Variants in BLTP3B observed in about 807,000 individuals in gnomAD.
BLTP3B encodes bridge-like lipid transfer protein family member 3B.
At chr12:100,096,899 A>T in the BLTP3B span, among the ~76,000 whole-genome samples, 2 of 152,110 alleles carry the variant, frequency 1.3e-5, no homozygotes, top group Non-Finnish European at 2.9e-5. Flanking sequence ...GAGCAATATA[A>T]TAAGACCTCA....
chr12:100,060,230 T>C, the BLTP3B span, among the ~76,000 whole-genome samples: 1 of 152,140 alleles, frequency 6.6e-6, no homozygotes, highest in Non-Finnish European at 1.5e-5. Context: ...AAAAAAAATT[T>C]CCCATGCCTA....
the BLTP3B span, among the ~76,000 whole-genome samples, chr12:100,129,231 T>C: frequency 4.0e-5 from 6 of 151,390 alleles, no homozygotes; most frequent in Admixed American, 2.6e-4. Context: ...TATCCAGCAA[T>C]AGGCCATATC....
chr12:100,059,585 G>C, the BLTP3B span: 2 of 1,497,518 alleles, frequency 1.3e-6, no homozygotes, highest in Non-Finnish European at 1.8e-6. Flanking sequence ...CATACATCTT[G>C]AAGATAAAAG....
chr12:100,088,450 G>A, the BLTP3B span, among the ~76,000 whole-genome samples: 1 of 152,170 alleles, frequency 6.6e-6, no homozygotes, highest in African/African-American at 2.4e-5. Context: ...GATGGGAAGA[G>A]AGGTGGCCAT....
chr12:100,090,911 T>C, the BLTP3B span, among the ~76,000 whole-genome samples: 1 of 152,156 alleles, frequency 6.6e-6, no homozygotes, highest in South Asian at 2.1e-4. Context: ...AATAAAAATA[T>C]AAACATTTAT....
chr12:100,039,547 C>A, the BLTP3B span: 2 of 1,495,998 alleles, frequency 1.3e-6, no homozygotes, highest in Non-Finnish European at 1.8e-6. Flanking sequence ...TATCTTAATA[C>A]CTAGTTATTT....
chr12:100,059,232 T>G, the BLTP3B span: 1 of 1,614,068 alleles, frequency 6.2e-7, no homozygotes, highest in Non-Finnish European at 8.5e-7. Flanking sequence ...AAGAGTGTTT[T>G]TATTCAATTG....
At chr12:100,058,530 T>C in the BLTP3B span, 1 of 1,613,248 alleles carries the variant, frequency 6.2e-7, no homozygotes, top group Non-Finnish European at 8.5e-7. Context: ...TCTATTTATA[T>C]CCCTACTAAT....
At chr12:100,070,242 A>T in the BLTP3B span, 7 of 1,502,080 alleles carry the variant, frequency 4.7e-6, no homozygotes, top group Admixed American at 2.1e-5. Context: ...TTGTTGAAAC[A>T]TGAAGATAGG....
chr12:100,134,127 G>A, the BLTP3B span, among the ~76,000 whole-genome samples: 1 of 149,246 alleles, frequency 6.7e-6, no homozygotes, highest in East Asian at 1.9e-4. Flanking sequence ...TACTTAAAAG[G>A]ATAAAAAAAA....
the BLTP3B span, among the ~76,000 whole-genome samples, chr12:100,123,578 C>A: frequency 1.3e-5 from 2 of 152,150 alleles, no homozygotes; most frequent in East Asian, 3.9e-4. Flanking sequence ...CCCAAGACTG[C>A]CCTCCGTCAC....
the BLTP3B span, among the ~76,000 whole-genome samples, chr12:100,140,341 T>C: frequency 6.7e-6 from 1 of 149,596 alleles, no homozygotes; most frequent in African/African-American, 2.5e-5. Flanking sequence ...CAAAAACTCA[T>C]CTCTGAAAAA....
chr12:100,075,515 A>G, the BLTP3B span, among the ~76,000 whole-genome samples: 1 of 152,198 alleles, frequency 6.6e-6, no homozygotes, highest in Non-Finnish European at 1.5e-5. Flanking sequence ...GCTTCTATAC[A>G]GCAAAATAAA....
the BLTP3B span, among the ~76,000 whole-genome samples, chr12:100,139,427 T>A: frequency 6.6e-6 from 1 of 152,336 alleles, no homozygotes; most frequent in South Asian, 2.1e-4. Flanking sequence ...GTTCACAGTC[T>A]TCCTCCTTAC....
chr12:100,040,952 C>T, the BLTP3B span, among the ~76,000 whole-genome samples: 1 of 152,120 alleles, frequency 6.6e-6, no homozygotes, highest in Non-Finnish European at 1.5e-5. Context: ...CATTCCCAAA[C>T]TTTCTATGAA....
At chr12:100,055,164 G>C in the BLTP3B span, among the ~76,000 whole-genome samples, 2 of 152,010 alleles carry the variant, frequency 1.3e-5, no homozygotes, top group Non-Finnish European at 2.9e-5. Context: ...GTTTGTGTCA[G>C]ATAGAAGAGC....
chr12:100,051,011 T>TGTCATTTTGAG, the BLTP3B span: 1 of 1,580,686 alleles, frequency 6.3e-7, no homozygotes, highest in Admixed American at 1.9e-5. Context: ...TCAAAATATA[T>TGTCATTTTGAG]ACATGTCAAA....
the BLTP3B span, among the ~76,000 whole-genome samples, chr12:100,139,522 A>G: frequency 6.6e-6 from 1 of 152,098 alleles, no homozygotes. Context: ...GAACTAGGTC[A>G]TTTTCCTAGT....
chr12:100,055,528 T>A, the BLTP3B span, among the ~76,000 whole-genome samples: 1 of 151,504 alleles, frequency 6.6e-6, no homozygotes, highest in Non-Finnish European at 1.5e-5. Flanking sequence ...AATACAAAAA[T>A]TAGCTAGGCG....
Sources: gnomAD v4.1 joint callset for allele counts (sites outside exome capture counted in the v4.1 genomes callset) on GRCh38, gnomAD v4.1.1 for gene constraint, MANE v1.5 for transcripts, NCBI Gene and HGNC (gene_info 2026-07-23, HGNC 2026-07-21) for gene names.